Variants in GSTCD observed in about 807,000 individuals in gnomAD.
GSTCD encodes the protein glutathione S-transferase C-terminal domain containing, also known as glutathione S-transferase C-terminal domain-containing protein.
A neutral mutation model predicts 68.3 loss-of-function variants in GSTCD; 44 were observed. That is an observed-to-expected ratio of 0.64 (90% CI 0.51 to 0.83). The LOEUF is 0.83. Ranked by LOEUF, GSTCD falls within the 40% of genes least tolerant of loss-of-function variation. The pLI, the probability that GSTCD is intolerant of heterozygous loss-of-function variation, is 0.00. For missense variants in GSTCD, 739 were observed against 735.9 expected (o/e 1.00, Z -0.05); for synonymous variants, 273 against 255.2 (o/e 1.07, Z -0.67).
chr4:105,838,751 A>G (rs1724220588), intron 10 of GSTCD, among the ~76,000 whole-genome samples: 1 of 152,246 alleles, frequency 6.6e-6, no homozygotes, highest in Non-Finnish European at 1.5e-5. Flanking sequence ...TATCCAATTA[A>G]CTGGTCAATA....
At chr4:105,832,718 C>T (rs1426074117) in intron 8 of GSTCD, among the ~76,000 whole-genome samples, 3 of 152,190 alleles carry the variant, frequency 2.0e-5, no homozygotes. Context: ...GAGCATAGTT[C>T]TGAGTGCCAT....
At chr4:105,724,035 A>G (rs996407337) in intron 3 of GSTCD, among the ~76,000 whole-genome samples, 3 of 151,876 alleles carry the variant, frequency 2.0e-5, no homozygotes, top group African/African-American at 7.2e-5. Context: ...AAAATACAGT[A>G]TAATATATAT....
chr4:105,768,128 C>T lies in GSTCD; in HGVS notation c.1240+38629C>T, dbSNP rs565938882. Among the ~76,000 whole-genome samples the T allele has an allele frequency of 1.3e-4, 19 of 151,908 alleles. No individual in the cohort carries two copies. In the South Asian group the frequency reaches 4.0e-3, roughly 32 times the overall value. On this transcript the variant is annotated intron_variant, in intron 5 of 11. Coordinates refer to ENST00000515279, the MANE Select transcript of GSTCD (RefSeq NM_001370181.1). ...TCGGCTCACTGCAAGCTCCACCTGC[C>T]GGGTTCCCGCCATTCTCCTGCTCAG...
rs968549848 is a variant in GSTCD, at chr4:105,720,821, G to A, written c.894+1294G>A. Among the ~76,000 whole-genome samples the A allele has an allele frequency of 2.6e-5, 4 of 152,152 alleles. No homozygotes were observed. The East Asian group carries it at 7.7e-4, about 29-fold the overall frequency. On this transcript the variant is annotated intron_variant, in intron 3 of 11. Transcript: ENST00000515279. ...GAAGTACTTGGTCTTCTGTCTTCTT[G>A]ACTTCTTTGGATAACTGTGTTTCCA...
At chr4:105,710,232 A>ATTTT (rs761574598) in intron 1 of GSTCD, among the ~76,000 whole-genome samples, 6,697 of 85,412 alleles carry the variant, frequency 0.078, 1,427 homozygotes, top group African/African-American at 0.26. Context: ...GGGCCCATCA[A>ATTTT]TTTTTTTTTT....
intron 5 of GSTCD, among the ~76,000 whole-genome samples, chr4:105,787,931 T>A (rs1472957451): frequency 6.6e-6 from 1 of 152,074 alleles, no homozygotes; most frequent in African/African-American, 2.4e-5. Context: ...TTCACATACA[T>A]TTACTGACTA....
chr4:105,783,987 C>T (rs1735373823), intron 5 of GSTCD, among the ~76,000 whole-genome samples: 1 of 152,168 alleles, frequency 6.6e-6, no homozygotes, highest in South Asian at 2.1e-4. Context: ...AGAAGTGATG[C>T]ACCACAGAAA....
chr4:105,813,204 T>C (rs1471658014), intron 5 of GSTCD, among the ~76,000 whole-genome samples: 2 of 152,298 alleles, frequency 1.3e-5, no homozygotes, highest in Admixed American at 6.5e-5. Context: ...AGGATTGATA[T>C]AATAAATAAA....
At chr4:105,761,892 G>C (rs907109061) in intron 5 of GSTCD, 1 of 152,162 alleles carries the variant, frequency 6.6e-6, no homozygotes, top group African/African-American at 2.4e-5. Flanking sequence ...TCTATTTCTA[G>C]AGCTGCTTTT....
At chr4:105,794,484 GAA>G (rs1304018506) in intron 5 of GSTCD, among the ~76,000 whole-genome samples, 1 of 151,996 alleles carries the variant, frequency 6.6e-6, no homozygotes, top group East Asian at 1.9e-4. Flanking sequence ...CTGACAATGA[GAA>G]AGGCTGTCAA....
chr4:105,776,323 A>G lies in GSTCD; in HGVS notation c.1241-46631A>G, dbSNP rs374413742. Among the ~76,000 whole-genome samples, 5 of 152,044 alleles carry G rather than the reference A, an allele frequency of 3.3e-5. No individual in the cohort carries two copies. The East Asian group carries it at 5.8e-4, about 18-fold the overall frequency. The stretch of plus-strand genomic sequence containing the variant: ...CTAGACCACTTGGCCCCCTGGCTTC[A>G]ACCCCCATTCCAGGGTAGTGAATGG... On this transcript the variant is annotated intron_variant, in intron 5 of 11. Transcript: ENST00000515279.
At chr4:105,840,287 G>A (rs1724286364) in intron 10 of GSTCD, 2 of 425,200 alleles carry the variant, frequency 4.7e-6, no homozygotes, top group African/African-American at 2.0e-5. Context: ...TTCAAATCAT[G>A]TAATTCTAAA....
intron 5 of GSTCD, among the ~76,000 whole-genome samples, chr4:105,814,788 A>G (rs903100495): frequency 1.3e-5 from 2 of 152,118 alleles, no homozygotes; most frequent in African/African-American, 4.8e-5. Flanking sequence ...GTTCATTCCC[A>G]GAGTCTTTTT....
intron 3 of GSTCD, among the ~76,000 whole-genome samples, chr4:105,722,300 A>G (rs1055001371): frequency 6.6e-6 from 1 of 152,038 alleles, no homozygotes; most frequent in Admixed American, 6.6e-5. Flanking sequence ...TGGGAACCTC[A>G]CTTTTTGCTG....
intron 5 of GSTCD, among the ~76,000 whole-genome samples, chr4:105,742,111 A>G (rs1000992701): frequency 6.6e-6 from 1 of 152,138 alleles, no homozygotes; most frequent in African/African-American, 2.4e-5. Flanking sequence ...ATTTAATTAC[A>G]TCAAGATTTT....
intron 5 of GSTCD, among the ~76,000 whole-genome samples, chr4:105,758,297 A>G (rs988904522): frequency 1.3e-5 from 2 of 152,060 alleles, no homozygotes; most frequent in African/African-American, 2.4e-5. Context: ...CAGCTTTTTG[A>G]ATATTTATCC....
At chr4:105,750,372 A>G (rs2149226675) in intron 5 of GSTCD, among the ~76,000 whole-genome samples, 1 of 149,600 alleles carries the variant, frequency 6.7e-6, no homozygotes, top group South Asian at 2.2e-4. Flanking sequence ...AGGCAGGAGA[A>G]TTGCTTGAAT....
intron 5 of GSTCD, among the ~76,000 whole-genome samples, chr4:105,739,673 C>T (rs888443193): frequency 1.3e-5 from 2 of 152,186 alleles, no homozygotes; most frequent in Non-Finnish European, 2.9e-5. Flanking sequence ...AGGGGTATGA[C>T]TGCTTTTGTT....
intron 5 of GSTCD, among the ~76,000 whole-genome samples, chr4:105,767,932 GT>G (rs528610515): frequency 7.3e-4 from 5 of 6,894 alleles, no homozygotes; most frequent in Non-Finnish European, 2.3e-3. Flanking sequence ...AAAATGATGT[GT>G]TTTTTTTCAT....
Sources: gnomAD v4.1 joint callset for allele counts (sites outside exome capture counted in the v4.1 genomes callset) on GRCh38, gnomAD v4.1.1 for gene constraint, MANE v1.5 for transcripts, NCBI Gene and HGNC (gene_info 2026-07-23, HGNC 2026-07-21) for gene names.